NEK11: variants seen among roughly 807,000 people sequenced by gnomAD.
NEK11 encodes the protein NIMA related kinase 11, also known as serine/threonine-protein kinase Nek11.
NEK11 carries 72 observed loss-of-function variants against 80.7 expected under a neutral mutation model. The observed-to-expected ratio is 0.89, with a 90% CI of 0.74 to 1.08. The LOEUF is 1.08. Ranked by LOEUF, NEK11 falls within the 50% of genes least tolerant of loss-of-function variation. The probability of loss-of-function intolerance (pLI) is 0.00; values close to 1 mark genes in which losing one functional copy is unlikely to be tolerated. For missense variants in NEK11, 764 were observed against 763.6 expected (o/e 1.00, Z -0.01); for synonymous variants, 251 against 260.7 (o/e 0.96, Z 0.36).
chr3:131,252,542 G>T (rs1441015232), intron 16 of NEK11, among the ~76,000 whole-genome samples: 1 of 152,016 alleles, frequency 6.6e-6, no homozygotes, highest in East Asian at 1.9e-4. Flanking sequence ...CAGATGAGTG[G>T]ACTGAATGAA....
chr3:131,346,648 T>C (rs1042698554), intron 17 of NEK11, among the ~76,000 whole-genome samples: 5 of 152,154 alleles, frequency 3.3e-5, no homozygotes, highest in African/African-American at 9.7e-5. Flanking sequence ...TGAAATTAAC[T>C]GTGAGGAGGT....
At chr3:131,221,751 A>T (rs1416971800) in intron 14 of NEK11, among the ~76,000 whole-genome samples, 1 of 152,194 alleles carries the variant, frequency 6.6e-6, no homozygotes, top group Non-Finnish European at 1.5e-5. Context: ...GGAGTTTTTC[A>T]TTTAACAGTT....
chr3:131,312,134 ATG>A (rs1215291740), intron 17 of NEK11, among the ~76,000 whole-genome samples: 1 of 152,184 alleles, frequency 6.6e-6, no homozygotes, highest in Non-Finnish European at 1.5e-5. Flanking sequence ...TTGGATGAGG[ATG>A]TGTCATTGCC....
At chr3:131,175,926 C>A (rs1477110264) in intron 14 of NEK11, among the ~76,000 whole-genome samples, 1 of 152,182 alleles carries the variant, frequency 6.6e-6, no homozygotes, top group African/African-American at 2.4e-5. Flanking sequence ...ACCTGGGACA[C>A]AAACTCCTTA....
At chr3:131,300,511 AG>A (rs1465185472) in intron 17 of NEK11, among the ~76,000 whole-genome samples, 1 of 152,126 alleles carries the variant, frequency 6.6e-6, no homozygotes, top group Admixed American at 6.6e-5. Context: ...TTATTGTTTT[AG>A]GTTTTACATT....
chr3:131,286,724 A>T (rs901635918), intron 17 of NEK11, among the ~76,000 whole-genome samples: 1 of 152,266 alleles, frequency 6.6e-6, no homozygotes, highest in Admixed American at 6.5e-5. Flanking sequence ...TTCAATTCTC[A>T]GGATAAACTG....
Position 131,029,780 on chromosome 3 carries a change from G to GA in NEK11, c.73dup (p.Ile25AsnfsTer37), listed in dbSNP as rs772957947. The GA allele has an allele frequency of 3.9e-5, 63 of 1,614,094 alleles. No homozygotes were observed. The highest frequency in any genetic ancestry group is 3.3e-4 in the Middle Eastern group (2 of 6,084). ...CCATTTCCACTTATCCAAAGACCTT[G>GA]ATTGCAAGAAGATACGTGCTTCAAC... On this transcript the variant is annotated frameshift_variant, in exon 3 of 18. Transcript: ENST00000383366. LOFTEE classifies it high-confidence loss of function.
chr3:131,174,434 C>T (rs1298968721), intron 14 of NEK11, among the ~76,000 whole-genome samples: 1 of 152,188 alleles, frequency 6.6e-6, no homozygotes, highest in Non-Finnish European at 1.5e-5. Context: ...TAAAATTATA[C>T]AGTCATTCTT....
At chr3:131,097,735 G>T (rs2077663524) in intron 4 of NEK11, among the ~76,000 whole-genome samples, 1 of 149,354 alleles carries the variant, frequency 6.7e-6, no homozygotes, top group Admixed American at 6.7e-5. Context: ...TACTGCCCAA[G>T]GTAATTTATA....
rs181677976 is a variant in NEK11 at position 131,146,085 on chromosome 3, C to A, written c.648-6303C>A. ...TTGCTCCCAAGGGTTGTTGTTACAG[C>A]CCTTCCGATATGCCCAGGCCAGGAG... On this transcript the variant is annotated intron_variant, in intron 7 of 17. Coordinates refer to ENST00000383366, the MANE Select transcript of NEK11 (RefSeq NM_024800.5). Among the ~76,000 whole-genome samples, 270 of 152,128 alleles carry A rather than the reference C, an allele frequency of 1.8e-3. 1 individual carries two copies. Among genetic ancestry groups the A allele is most frequent in the Middle Eastern group, 6.8e-3 (2 of 294 alleles).
At chr3:131,199,658 C>T (rs1166229139) in intron 14 of NEK11, among the ~76,000 whole-genome samples, 1 of 150,898 alleles carries the variant, frequency 6.6e-6, no homozygotes, top group African/African-American at 2.4e-5. Context: ...AGAAAATGAA[C>T]AAAAAACTAC....
chr3:131,175,620 G>A (rs963506348), intron 14 of NEK11, among the ~76,000 whole-genome samples: 4 of 151,986 alleles, frequency 2.6e-5, no homozygotes, highest in Admixed American at 2.6e-4. Context: ...ACTCTAAAAG[G>A]GCACATGGAA....
intron 3 of NEK11, among the ~76,000 whole-genome samples, chr3:131,044,067 G>A (rs1438653937): frequency 6.6e-6 from 1 of 151,804 alleles, no homozygotes; most frequent in East Asian, 1.9e-4. Flanking sequence ...CAAATACTGA[G>A]GATTTTGCCT....
intron 3 of NEK11, among the ~76,000 whole-genome samples, chr3:131,066,459 G>A (rs1384292773): frequency 6.6e-6 from 1 of 152,044 alleles, no homozygotes; most frequent in Admixed American, 6.6e-5. Flanking sequence ...TGTTCTTGTT[G>A]TGAAGCTCAT....
At chr3:131,289,159 G>A (rs1384823792) in intron 17 of NEK11, among the ~76,000 whole-genome samples, 1 of 152,170 alleles carries the variant, frequency 6.6e-6, no homozygotes, top group Non-Finnish European at 1.5e-5. Flanking sequence ...TCTCTCCTTA[G>A]CTTACAGATG....
chr3:131,127,215 T>G (rs1356304006), intron 5 of NEK11, among the ~76,000 whole-genome samples: 1 of 151,946 alleles, frequency 6.6e-6, no homozygotes, highest in Non-Finnish European at 1.5e-5. Context: ...TCCACCCACC[T>G]TGGCCTCCCA....
intron 5 of NEK11, among the ~76,000 whole-genome samples, chr3:131,116,425 A>G (rs1304931164): frequency 1.3e-5 from 2 of 152,152 alleles, no homozygotes; most frequent in East Asian, 3.9e-4. Context: ...GAATAGTGCC[A>G]CAATAAACAT....
At chr3:131,174,684 G>A (rs2092905081) in intron 14 of NEK11, 1 of 1,407,456 alleles carries the variant, frequency 7.1e-7, no homozygotes, top group Admixed American at 2.2e-5. Flanking sequence ...CTTCTTATAT[G>A]TAATGCTAAT....
At chr3:131,061,155 G>A (rs182957461) in intron 3 of NEK11, among the ~76,000 whole-genome samples, 3 of 152,160 alleles carry the variant, frequency 2.0e-5, no homozygotes, top group African/African-American at 4.8e-5. Context: ...TGGGGGTCCT[G>A]TTTCACTCTG....
Sources: allele counts gnomAD v4.1 joint callset (sites outside exome capture counted in the v4.1 genomes callset), GRCh38; gene constraint gnomAD v4.1.1; transcripts MANE v1.5; gene names NCBI Gene and HGNC (gene_info 2026-07-23, HGNC 2026-07-21).